The following RUBCN variants were observed in gnomAD, a reference collection of about 807,000 sequenced individuals.
RUBCN encodes the protein rubicon autophagy regulator.
Under a neutral mutation model 113.2 loss-of-function variants are expected in RUBCN, and 74 were observed. The ratio of observed to expected loss-of-function variants is 0.65; its 90% CI spans 0.54 to 0.79. The LOEUF (loss-of-function observed/expected upper bound fraction) is 0.79, where lower values mean the gene tolerates loss of function less well. RUBCN is among the 30% of genes least tolerant of loss of function. The pLI, the probability that RUBCN is intolerant of heterozygous loss-of-function variation, is 0.00. For missense variants in RUBCN, 1,109 were observed against 1,251.7 expected, an observed-to-expected ratio of 0.89 and a Z score of 1.72; for synonymous variants, 480 against 490.0, an observed-to-expected ratio of 0.98 and a Z score of 0.27.
intron 1 of RUBCN, among the ~76,000 whole-genome samples, chr3:197,744,203 T>C (rs1394969497): frequency 6.6e-6 from 1 of 152,080 alleles, no homozygotes; most frequent in African/African-American, 2.4e-5. Context: ...GGAAATTACA[T>C]ACCAGTGTCA....
upstream of RUBCN, among the ~76,000 whole-genome samples, chr3:197,740,653 C>T (rs978586608): frequency 1.7e-4 from 25 of 151,334 alleles, no homozygotes; most frequent in Admixed American, 2.0e-4. Context: ...CAGAGTCTTG[C>T]TGTGTTGCCC....
chr3:197,701,446 C>T (rs1560435182), intron 6 of RUBCN, among the ~76,000 whole-genome samples: 1 of 152,164 alleles, frequency 6.6e-6, no homozygotes, highest in South Asian at 2.1e-4. Flanking sequence ...GGCAATCATT[C>T]GGTGTTAGCT....
chr3:197,684,455 A>C (rs1012409892), intron 11 of RUBCN, among the ~76,000 whole-genome samples: 3 of 152,192 alleles, frequency 2.0e-5, no homozygotes, highest in Admixed American at 6.5e-5. Context: ...AAAGTGTTAC[A>C]AACTCAGGCA....
At chr3:197,736,966 G>T (rs554085550), upstream of RUBCN, 5 of 1,277,948 alleles carry the variant, frequency 3.9e-6, no homozygotes, top group Non-Finnish European at 4.9e-6. Flanking sequence ...GGCCGCTCCC[G>T]CAGGACGCGT....
At chr3:197,722,676 A>G (rs1043217936) in intron 1 of RUBCN, among the ~76,000 whole-genome samples, 6 of 151,760 alleles carry the variant, frequency 4.0e-5, no homozygotes, top group African/African-American at 1.2e-4. Flanking sequence ...CACAACTGTT[A>G]TATCCTTTTG....
Position 197,681,706 on chromosome 3 carries a change from C to G in RUBCN, c.2191+129G>C. 1.2e-6 allele frequency: 1 copy of G among 820,546 alleles called. No homozygotes were observed. The highest frequency in any genetic ancestry group is 1.4e-5 in the South Asian group (1 of 70,824). 50.8% of individuals were successfully genotyped at this position (820,546 alleles called of 1,614,324 possible). On this transcript the variant is annotated intron_variant, in intron 15 of 19. Coordinates refer to ENST00000296343, the MANE Select transcript of RUBCN (RefSeq NM_014687.4). The surrounding 1 kb of genome is among the most constrained non-coding windows in gnomAD (Gnocchi z 5.5). Reference sequence around the variant, plus strand: ...GCCAGCACTCTTGCCTACTACGAACCTTTCTTTCTCCTTCCCTACTTCTGC... The same window carrying G: ...GCCAGCACTCTTGCCTACTACGAACGTTTCTTTCTCCTTCCCTACTTCTGC...
chr3:197,729,334 G>C lies in RUBCN; in HGVS notation c.65+7321C>G, dbSNP rs190881114. Among the ~76,000 whole-genome samples the C allele has an allele frequency of 9.4e-3, 1,423 of 152,076 alleles. 14 individuals carry two copies. Among genetic ancestry groups the C allele is most frequent in the Non-Finnish European group, 0.012 (836 of 67,978 alleles). On this transcript the variant is annotated intron_variant, in intron 1 of 19. Coordinates refer to ENST00000296343, the MANE Select transcript of RUBCN (RefSeq NM_014687.4). ...GCGGCGCGATCTCGGCTCACTACAAGTTCTGCCTCCCGGGCTCACGCCATT... is the reference window on the plus strand; with the variant it reads ...GCGGCGCGATCTCGGCTCACTACAACTTCTGCCTCCCGGGCTCACGCCATT...
chr3:197,713,063 T>C (rs1335695358), intron 2 of RUBCN, among the ~76,000 whole-genome samples: 3 of 152,192 alleles, frequency 2.0e-5, no homozygotes, highest in Non-Finnish European at 2.9e-5. Context: ...TTCACCATGT[T>C]GGTCAGGCTG....
intron 1 of RUBCN, among the ~76,000 whole-genome samples, chr3:197,721,933 T>C (rs1214432716): frequency 6.6e-6 from 1 of 152,156 alleles, no homozygotes; most frequent in Non-Finnish European, 1.5e-5. Flanking sequence ...TGTATTGCAC[T>C]GTAGTCACAA....
At chr3:197,710,812 T>G (rs771267156) in intron 2 of RUBCN, among the ~76,000 whole-genome samples, 58 of 152,054 alleles carry the variant, frequency 3.8e-4, no homozygotes, top group Non-Finnish European at 6.3e-4. Context: ...CTAAGAGAAG[T>G]GTAATCTTTT....
intron 2 of RUBCN, among the ~76,000 whole-genome samples, chr3:197,712,545 C>T (rs1038611347): frequency 3.3e-5 from 5 of 152,112 alleles, no homozygotes; most frequent in African/African-American, 9.7e-5. Flanking sequence ...AAGTTCTTGA[C>T]GCAGACTTTA....
chr3:197,745,615 C>CA (rs888532112), intron 1 of RUBCN, among the ~76,000 whole-genome samples: 1,541 of 128,000 alleles, frequency 0.012, 12 homozygotes, highest in African/African-American at 0.018. Context: ...AAATCCATCT[C>CA]AAAAAAAAAA....
intron 1 of RUBCN, among the ~76,000 whole-genome samples, chr3:197,748,901 G>T (rs1257193901): frequency 6.6e-6 from 1 of 152,218 alleles, no homozygotes; most frequent in African/African-American, 2.4e-5. Flanking sequence ...TGAGATGGCT[G>T]GTTTCCATGC....
Position 197,705,112 on chromosome 3 carries a change from A to G in RUBCN, c.283T>C (p.Ser95Pro), listed in dbSNP as rs1326605037. Residue 95 changes from serine (S) to proline (P), a missense_variant, in exon 3 of 20, where the codon TCA becomes CCA. Ser to Pro is a moderately conservative substitution (Grantham distance 74). This residue lies in a region of RUBCN where 736 missense variants were observed against 779.6 expected (regional missense o/e 0.94). Coordinates refer to ENST00000296343, the MANE Select transcript of RUBCN (RefSeq NM_014687.4). ...CTTACCTTCTCCACGTGAAGGGCTG[A>G]GTGGGGACTGAGCCACCGGATGTCT... is the stretch of plus-strand genomic sequence containing the variant. ...VKDIRWLSPH[S>P]ALHVEKFISV... 6.8e-6 allele frequency: 11 copies of G among 1,614,060 alleles called. No homozygotes were observed. Among genetic ancestry groups the G allele is most frequent in the Non-Finnish European group, 8.5e-6 (10 of 1,179,952 alleles).
chr3:197,691,293 G>T (rs1722394851), intron 11 of RUBCN: 1 of 427,666 alleles, frequency 2.3e-6, no homozygotes, highest in East Asian at 7.1e-5. Flanking sequence ...CCTTGGGTAG[G>T]TGCTCACTCT....
chr3:197,726,258 A>G (rs956759743), intron 1 of RUBCN, among the ~76,000 whole-genome samples: 1 of 151,214 alleles, frequency 6.6e-6, no homozygotes, highest in African/African-American at 2.4e-5. Flanking sequence ...TTTTATTTTT[A>G]TTTTTTGAGA....
chr3:197,702,116 A>G (rs927624243), intron 5 of RUBCN, among the ~76,000 whole-genome samples: 1 of 152,212 alleles, frequency 6.6e-6, no homozygotes, highest in African/African-American at 2.4e-5. Flanking sequence ...AGGCAGCACA[A>G]CAAAGTGCTG....
intron 2 of RUBCN, among the ~76,000 whole-genome samples, chr3:197,708,651 G>C (rs548036099): frequency 2.0e-5 from 3 of 151,806 alleles, no homozygotes; most frequent in Non-Finnish European, 4.4e-5. Flanking sequence ...CTCAAGTTGG[G>C]TATAGATAAT....
Position 197,674,851 on chromosome 3 carries a change from T to TAATAGGTGTA in RUBCN, c.*166_*167insTACACCTATT. The TAATAGGTGTA allele has an allele frequency of 1.7e-6, 1 of 580,608 alleles. No individual in the cohort carries two copies. Among genetic ancestry groups the TAATAGGTGTA allele is most frequent in the Non-Finnish European group, 2.8e-6 (1 of 353,774 alleles). 36.0% of individuals were successfully genotyped at this position (580,608 alleles called of 1,614,324 possible). On this transcript the variant is annotated 3_prime_UTR_variant, in exon 20 of 20. Transcript: ENST00000296343. ...CTGGACCCATCAACCTGCCGACGGC[T>TAATAGGTGTA]GACTGCACACAGACGTCAGACAAGT...
Sources: gnomAD v4.1 joint callset for allele counts (sites outside exome capture counted in the v4.1 genomes callset) on GRCh38, gnomAD v4.1.1 for gene constraint, gnomAD v4.1.1 regional missense constraint, Gnocchi (gnomAD v3.1) non-coding constraint, MANE v1.5 for transcripts, NCBI Gene and HGNC (gene_info 2026-07-23, HGNC 2026-07-21) for gene names.